The following DLG2 variants were observed in gnomAD, a reference collection of about 807,000 sequenced individuals.
The protein encoded by DLG2 is discs large MAGUK scaffold protein 2.
DLG2 carries 45 observed loss-of-function variants against 132.5 expected under a neutral mutation model. That is an observed-to-expected ratio of 0.34 (90% confidence interval 0.27 to 0.44). The LOEUF is 0.44. Ranked by LOEUF, DLG2 falls within the 20% of genes least tolerant of loss-of-function variation. The probability of loss-of-function intolerance (pLI) is 1.00; values close to 1 mark genes in which losing one functional copy is unlikely to be tolerated. For synonymous variants in DLG2, 424 were observed against 419.6 expected, an observed-to-expected ratio of 1.01 and a Z score of -0.13; for missense variants, 1,045 against 1,196.9, an observed-to-expected ratio of 0.87 and a Z score of 1.87.
intron 3 of DLG2, among the ~76,000 whole-genome samples, chr11:85,596,971 G>C (rs1417732277): frequency 6.6e-6 from 1 of 152,192 alleles, no homozygotes; most frequent in Non-Finnish European, 1.5e-5. Flanking sequence ...ACGACCAGCT[G>C]AAGTAAATCT....
At chr11:85,543,621 T>C (rs1375485484) in intron 3 of DLG2, among the ~76,000 whole-genome samples, 1 of 152,232 alleles carries the variant, frequency 6.6e-6, no homozygotes, top group Non-Finnish European at 1.5e-5. Flanking sequence ...AAAGCATTCC[T>C]ATTTCTCCAC....
At chr11:83,856,858 G>A (rs1487639018) in intron 16 of DLG2, among the ~76,000 whole-genome samples, 1 of 152,096 alleles carries the variant, frequency 6.6e-6, no homozygotes, top group Non-Finnish European at 1.5e-5. Flanking sequence ...TTTTTGCTTT[G>A]GTGTAATTGC....
intron 6 of DLG2, among the ~76,000 whole-genome samples, chr11:84,946,004 C>G (rs760726428): frequency 6.6e-6 from 1 of 151,994 alleles, no homozygotes; most frequent in Non-Finnish European, 1.5e-5. Flanking sequence ...CACTCAGGCC[C>G]ATGGCAAGTA....
chr11:83,726,248 C>T (rs182207262), intron 18 of DLG2, among the ~76,000 whole-genome samples: 4 of 152,188 alleles, frequency 2.6e-5, no homozygotes, highest in African/African-American at 7.2e-5. Flanking sequence ...ATGGGGTTAA[C>T]ACTAACATTT....
chr11:85,397,692 A>C (rs183542431), intron 3 of DLG2, among the ~76,000 whole-genome samples: 1 of 152,366 alleles, frequency 6.6e-6, no homozygotes, highest in Admixed American at 6.5e-5. Context: ...AGGCCACTAC[A>C]TAATGGTAAA....
At chr11:85,078,295 G>A (rs916583684) in intron 6 of DLG2, among the ~76,000 whole-genome samples, 1 of 150,984 alleles carries the variant, frequency 6.6e-6, no homozygotes, top group Non-Finnish European at 1.5e-5. Flanking sequence ...AATATATAAG[G>A]TTATTGAGGA....
chr11:84,618,050 C>T (rs2099607548), intron 6 of DLG2, among the ~76,000 whole-genome samples: 1 of 152,032 alleles, frequency 6.6e-6, no homozygotes, highest in Admixed American at 6.6e-5. Flanking sequence ...TGCACTGAAA[C>T]TTAAACGCTG....
intron 3 of DLG2, among the ~76,000 whole-genome samples, chr11:85,481,899 C>A (rs2093302498): frequency 6.6e-6 from 1 of 151,968 alleles, no homozygotes; most frequent in Middle Eastern, 3.2e-3. Flanking sequence ...TACCCGCAGA[C>A]TGAGCTTCCA....
chr11:83,821,878 C>G (rs896901106), intron 17 of DLG2, among the ~76,000 whole-genome samples: 1 of 152,154 alleles, frequency 6.6e-6, no homozygotes, highest in South Asian at 2.1e-4. Context: ...AAAAAACAAA[C>G]TCTACCCTCA....
intron 6 of DLG2, among the ~76,000 whole-genome samples, chr11:84,724,787 T>A (rs2062215231): frequency 6.6e-6 from 1 of 152,196 alleles, no homozygotes. Flanking sequence ...TGTTTATTTC[T>A]TCCTCATGTT....
intron 4 of DLG2, among the ~76,000 whole-genome samples, chr11:85,228,780 A>T (rs2075124091): frequency 6.6e-6 from 1 of 151,746 alleles, no homozygotes; most frequent in African/African-American, 2.4e-5. Context: ...AGCCAATATG[A>T]CAGTCTCTGA....
intron 21 of DLG2, among the ~76,000 whole-genome samples, chr11:83,492,254 A>G (rs1035544493): frequency 6.6e-5 from 10 of 152,050 alleles, no homozygotes; most frequent in African/African-American, 2.2e-4. Flanking sequence ...AGTTCATCAT[A>G]TCTTTCTTCC....
At chr11:85,595,245 A>C (rs929604791) in intron 3 of DLG2, among the ~76,000 whole-genome samples, 9 of 152,028 alleles carry the variant, frequency 5.9e-5, no homozygotes, top group Non-Finnish European at 1.3e-4. Context: ...ATTCCATCTA[A>C]ATGTGCAGCT....
intron 6 of DLG2, among the ~76,000 whole-genome samples, chr11:84,714,802 T>TAA (rs2061019603): frequency 6.6e-6 from 1 of 151,914 alleles, no homozygotes; most frequent in African/African-American, 2.4e-5. Context: ...GAAATAACAC[T>TAA]GGTAAAACAC....
chr11:84,506,789 G>C (rs1380404813), intron 7 of DLG2, among the ~76,000 whole-genome samples: 1 of 152,150 alleles, frequency 6.6e-6, no homozygotes, highest in African/African-American at 2.4e-5. Flanking sequence ...CTGAAAAAAA[G>C]AAGAGGAAAA....
chr11:84,916,210 G>A (rs982919570), intron 6 of DLG2, among the ~76,000 whole-genome samples: 9 of 150,484 alleles, frequency 6.0e-5, no homozygotes, highest in Non-Finnish European at 1.0e-4. Context: ...TTAGCCGGGC[G>A]TAGTGGCGGG....
intron 18 of DLG2, among the ~76,000 whole-genome samples, chr11:83,633,835 G>T (rs1014267515): frequency 6.6e-6 from 1 of 151,338 alleles, no homozygotes; most frequent in South Asian, 2.1e-4. Context: ...GAATATCCTA[G>T]TTGTGATAAT....
At chr11:84,498,379 A>T (rs1481462307) in intron 7 of DLG2, among the ~76,000 whole-genome samples, 1 of 152,116 alleles carries the variant, frequency 6.6e-6, no homozygotes, top group African/African-American at 2.4e-5. Context: ...GGGGAAGCAG[A>T]TGAATAAGTC....
intron 6 of DLG2, among the ~76,000 whole-genome samples, chr11:84,619,721 A>T (rs2099610598): frequency 6.6e-6 from 1 of 151,744 alleles, no homozygotes; most frequent in South Asian, 2.1e-4. Flanking sequence ...TGATAAAAAA[A>T]TTCTCGAAAG....
Sources: gnomAD v4.1 joint callset for allele counts (sites outside exome capture counted in the v4.1 genomes callset) on GRCh38, gnomAD v4.1.1 for gene constraint, MANE v1.5 for transcripts, NCBI Gene and HGNC (gene_info 2026-07-23, HGNC 2026-07-21) for gene names.